Variants in CNTN5 observed in about 807,000 individuals in gnomAD.
The protein encoded by CNTN5 is contactin-5.
In CNTN5, 77 loss-of-function variants were observed where a neutral mutation model predicts 129.1. That is an observed-to-expected ratio of 0.60 (90% CI 0.50 to 0.72). The LOEUF is 0.72. Among genes scored for constraint, CNTN5 ranks in the 30% least tolerant of loss-of-function variants. The pLI, the probability that CNTN5 is intolerant of heterozygous loss-of-function variation, is 0.00. For missense variants in CNTN5, 1,478 were observed against 1,328.8 expected, an observed-to-expected ratio of 1.11 and a Z score of -1.75; for synonymous variants, 509 against 465.6, an observed-to-expected ratio of 1.09 and a Z score of -1.20.
At chr11:99,190,635 T>C (rs554502805) in intron 1 of CNTN5, among the ~76,000 whole-genome samples, 2 of 151,770 alleles carry the variant, frequency 1.3e-5, no homozygotes, top group South Asian at 4.2e-4. Context: ...GAGTATTTGA[T>C]TTTTTTGGTT....
At position 99,756,810 on chromosome 11, in the gene CNTN5, A is replaced by C. The variant is rs182848977; in HGVS notation, c.56-62734A>C. ...ATAAAAGAATGAGTTATTTTAAATA[A>C]GAGATTTGGAATTATTTAAGCCATG... On this transcript the variant is annotated intron_variant, in intron 3 of 24. Transcript: ENST00000524871. Among the ~76,000 whole-genome samples, 171 of 152,234 alleles carry C rather than the reference A, an allele frequency of 1.1e-3. 1 individual carries two copies. In the East Asian group the frequency reaches 0.011, roughly 10 times the overall value.
At chr11:99,468,136 T>C (rs2135263290) in intron 2 of CNTN5, among the ~76,000 whole-genome samples, 1 of 152,334 alleles carries the variant, frequency 6.6e-6, no homozygotes, top group Non-Finnish European at 1.5e-5. Context: ...GAGTGAATTG[T>C]CTTTAGCTGT....
intron 15 of CNTN5, among the ~76,000 whole-genome samples, chr11:100,202,748 TGTTA>T (rs1170750859): frequency 6.6e-6 from 1 of 151,926 alleles, no homozygotes; most frequent in African/African-American, 2.4e-5. Flanking sequence ...GTAACTACAC[TGTTA>T]GTCAGCCAAG....
chr11:99,996,749 A>G (rs1275338714), intron 8 of CNTN5, among the ~76,000 whole-genome samples: 1 of 152,182 alleles, frequency 6.6e-6, no homozygotes, highest in African/African-American at 2.4e-5. Context: ...ACTTACAATC[A>G]TGGCAGAAGG....
At chr11:99,472,611 C>T (rs544705624) in intron 2 of CNTN5, among the ~76,000 whole-genome samples, 31 of 152,222 alleles carry the variant, frequency 2.0e-4, no homozygotes, top group African/African-American at 6.5e-4. Flanking sequence ...TGCAGCCAAG[C>T]GACATTGATG....
At chr11:99,266,361 A>G (rs552352094) in intron 1 of CNTN5, among the ~76,000 whole-genome samples, 2 of 152,194 alleles carry the variant, frequency 1.3e-5, no homozygotes, top group South Asian at 2.1e-4. Context: ...TGCTTTGGAA[A>G]GCATAGGTGG....
At chr11:99,294,978 G>T (rs1864321748) in intron 1 of CNTN5, among the ~76,000 whole-genome samples, 2 of 152,118 alleles carry the variant, frequency 1.3e-5, no homozygotes, top group Non-Finnish European at 2.9e-5. Context: ...CCATCATTTT[G>T]GGTTTCCAGT....
chr11:99,891,526 T>C (rs1328542762), intron 6 of CNTN5, among the ~76,000 whole-genome samples: 2 of 151,962 alleles, frequency 1.3e-5, no homozygotes, highest in South Asian at 2.1e-4. Context: ...TTCCCCTCTC[T>C]GTGTCCATGT....
At chr11:99,512,824 T>A (rs967500571) in intron 2 of CNTN5, among the ~76,000 whole-genome samples, 12 of 152,238 alleles carry the variant, frequency 7.9e-5, no homozygotes, top group African/African-American at 2.9e-4. Context: ...TCCTCCTCCA[T>A]CCTTATTCCC....
Position 99,648,011 on chromosome 11 carries a change from C to A in CNTN5, c.55+91742C>A, listed in dbSNP as rs1952028822. Among the ~76,000 whole-genome samples, 3 of 151,868 alleles carry A rather than the reference C, an allele frequency of 2.0e-5. No homozygotes were observed. The East Asian group carries it at 5.8e-4, about 29-fold the overall frequency. The stretch of plus-strand genomic sequence containing the variant: ...CTTCCTCTTTCCCTATTTGGATGTT[C>A]CTTCTTGCTTTCTGGTTTCCTCATT... On this transcript the variant is annotated intron_variant, in intron 3 of 24. Transcript: ENST00000524871.
intron 13 of CNTN5, among the ~76,000 whole-genome samples, chr11:100,156,531 A>T (rs1254611223): frequency 6.6e-6 from 1 of 151,962 alleles, no homozygotes; most frequent in Non-Finnish European, 1.5e-5. Context: ...TGAGTTAGGG[A>T]AGAGTCCCTC....
At chr11:100,180,111 A>G (rs142483072) in intron 13 of CNTN5, among the ~76,000 whole-genome samples, 1 of 152,200 alleles carries the variant, frequency 6.6e-6, no homozygotes, top group East Asian at 1.9e-4. Flanking sequence ...AACAGAAAAT[A>G]CAATTATAGG....
At chr11:99,787,522 A>G (rs1028714695) in intron 3 of CNTN5, among the ~76,000 whole-genome samples, 2 of 151,888 alleles carry the variant, frequency 1.3e-5, no homozygotes, top group Non-Finnish European at 2.9e-5. Flanking sequence ...TACCCAGAAA[A>G]AAAAAAATGG....
intron 2 of CNTN5, among the ~76,000 whole-genome samples, chr11:99,465,685 A>G (rs1249670062): frequency 2.0e-5 from 3 of 151,950 alleles, no homozygotes; most frequent in Admixed American, 2.0e-4. Flanking sequence ...GCTAAAAAGA[A>G]ATACCTGAGA....
intron 13 of CNTN5, among the ~76,000 whole-genome samples, chr11:100,152,694 AGT>A: frequency 6.6e-6 from 1 of 152,282 alleles, no homozygotes; most frequent in African/African-American, 2.4e-5. Context: ...AAGACTCAGA[AGT>A]ATAACCTGTA....
chr11:100,154,397 C>G (rs1162270385), intron 13 of CNTN5, among the ~76,000 whole-genome samples: 4 of 151,850 alleles, frequency 2.6e-5, no homozygotes, highest in African/African-American at 9.7e-5. Context: ...CTATTGCGAA[C>G]AGTGCCACAT....
intron 7 of CNTN5, among the ~76,000 whole-genome samples, chr11:99,924,365 T>G (rs1203625890): frequency 6.6e-6 from 1 of 152,192 alleles, no homozygotes; most frequent in African/African-American, 2.4e-5. Flanking sequence ...CTAGGATTTT[T>G]ATAGTTTGAG....
chr11:100,167,624 G>A (rs1947681828), intron 13 of CNTN5, among the ~76,000 whole-genome samples: 1 of 151,838 alleles, frequency 6.6e-6, no homozygotes, highest in Non-Finnish European at 1.5e-5. Flanking sequence ...AAGGAAAGAG[G>A]TGTGATCCTA....
At chr11:99,915,958 G>A in intron 6 of CNTN5, 96 bp from the exon 7 acceptor site, 1 of 908,814 alleles carries the variant, frequency 1.1e-6, no homozygotes, top group Non-Finnish European at 1.7e-6. Flanking sequence ...AAGACACCTT[G>A]TGAAGATAAC....
Sources: allele counts gnomAD v4.1 joint callset (sites outside exome capture counted in the v4.1 genomes callset), GRCh38; gene constraint gnomAD v4.1.1; transcripts MANE v1.5; gene names NCBI Gene and HGNC (gene_info 2026-07-23, HGNC 2026-07-21).